The following BRINP3 variants were observed in gnomAD, a reference collection of about 807,000 sequenced individuals.
BRINP3 encodes BMP/retinoic acid-inducible neural-specific protein 3.
In BRINP3, 19 loss-of-function variants were observed where a neutral mutation model predicts 71.0. The ratio of observed to expected loss-of-function variants is 0.27; its 90% CI spans 0.19 to 0.39. The LOEUF (loss-of-function observed/expected upper bound fraction) is 0.39. BRINP3 is among the 10% of genes least tolerant of loss of function. The probability of loss-of-function intolerance (pLI) is 1.00; values close to 1 mark genes in which losing one functional copy is unlikely to be tolerated. For missense variants in BRINP3, 959 were observed against 940.8 expected, an observed-to-expected ratio of 1.02 and a Z score of -0.25; for synonymous variants, 380 against 337.7, an observed-to-expected ratio of 1.13 and a Z score of -1.37.
chr1:190,459,884 G>C (rs933081002), intron 1 of BRINP3, among the ~76,000 whole-genome samples: 1 of 151,970 alleles, frequency 6.6e-6, no homozygotes, highest in Non-Finnish European at 1.5e-5. Context: ...CTGTCAGTTA[G>C]AGTCACCAGT....
chr1:190,135,949 T>G (rs574719003), intron 7 of BRINP3, among the ~76,000 whole-genome samples: 1 of 152,156 alleles, frequency 6.6e-6, no homozygotes, highest in African/African-American at 2.4e-5. Context: ...AGTAGCTAAC[T>G]TCTTGTGGAA....
At position 190,254,267 on chromosome 1, in the gene BRINP3, T is replaced by C. The variant is rs114770632; in HGVS notation, c.618+10598A>G. On this transcript the variant is annotated intron_variant, in intron 4 of 7. Transcript: ENST00000367462. ...CAATGCAGGCTCTCTTTTAATTCCA[T>C]ATGAACTTTAAAATAGTTTTTTTTT... Among the ~76,000 whole-genome samples the C allele has an allele frequency of 1.5e-3, 221 of 148,150 alleles. 1 individual carries two copies. Among genetic ancestry groups the C allele is most frequent in the African/African-American group, 5.4e-3 (219 of 40,874 alleles).
At chr1:190,420,405 T>G (rs1056503573) in intron 2 of BRINP3, among the ~76,000 whole-genome samples, 3 of 151,918 alleles carry the variant, frequency 2.0e-5, no homozygotes, top group African/African-American at 7.2e-5. Context: ...AGGAAGTAAA[T>G]GCAGTTTGAT....
intron 2 of BRINP3, among the ~76,000 whole-genome samples, chr1:190,452,263 T>C (rs1675660968): frequency 6.6e-6 from 1 of 152,214 alleles, no homozygotes; most frequent in Non-Finnish European, 1.5e-5. Flanking sequence ...GTTCATTTTA[T>C]AGCAACTATC....
At chr1:190,379,697 G>T (rs1670414335) in intron 2 of BRINP3, among the ~76,000 whole-genome samples, 1 of 151,982 alleles carries the variant, frequency 6.6e-6, no homozygotes, top group Non-Finnish European at 1.5e-5. Flanking sequence ...AAAGAAATCT[G>T]TAGGTTAATA....
At chr1:190,231,643 A>C (rs1658001887) in intron 5 of BRINP3, among the ~76,000 whole-genome samples, 1 of 151,850 alleles carries the variant, frequency 6.6e-6, no homozygotes, top group Non-Finnish European at 1.5e-5. Flanking sequence ...ATTTGCCAAT[A>C]TTTTCTTATA....
intron 2 of BRINP3, among the ~76,000 whole-genome samples, chr1:190,322,202 T>C (rs1666290093): frequency 6.6e-6 from 1 of 151,978 alleles, no homozygotes; most frequent in African/African-American, 2.4e-5. Context: ...ATCCTAAAAA[T>C]TTGTTTTGCA....
At chr1:190,207,459 A>G (rs1263862880) in intron 6 of BRINP3, among the ~76,000 whole-genome samples, 1 of 152,116 alleles carries the variant, frequency 6.6e-6, no homozygotes, top group East Asian at 1.9e-4. Context: ...CCTTAAATGA[A>G]GTACTGATTT....
chr1:190,154,921 G>A (rs1459488348), intron 7 of BRINP3, among the ~76,000 whole-genome samples: 1 of 152,078 alleles, frequency 6.6e-6, no homozygotes, highest in Non-Finnish European at 1.5e-5. Flanking sequence ...TTAAAAAAAT[G>A]AGGCTGTTGC....
chr1:190,449,661 G>T (rs1675474038), intron 2 of BRINP3, among the ~76,000 whole-genome samples: 1 of 152,076 alleles, frequency 6.6e-6, no homozygotes, highest in African/African-American at 2.4e-5. Flanking sequence ...AGATTTTGCT[G>T]AAACAGGATG....
intron 2 of BRINP3, among the ~76,000 whole-genome samples, chr1:190,301,737 T>C (rs2102999678): frequency 6.6e-6 from 1 of 152,108 alleles, no homozygotes; most frequent in African/African-American, 2.4e-5. Flanking sequence ...GGTAGAGTTT[T>C]CTAAGACTAC....
At chr1:190,416,677 C>T (rs1267962715) in intron 2 of BRINP3, among the ~76,000 whole-genome samples, 1 of 151,868 alleles carries the variant, frequency 6.6e-6, no homozygotes, top group African/African-American at 2.4e-5. Context: ...ATAAATATAC[C>T]CTAGTCACCG....
chr1:190,301,933 A>G lies in BRINP3; in HGVS notation c.237-20183T>C, dbSNP rs568036974. Among the ~76,000 whole-genome samples the G allele has an allele frequency of 2.1e-4, 32 of 151,964 alleles. 2 individuals are homozygous for G. The highest frequency in any genetic ancestry group is 7.5e-4 in the African/African-American group (31 of 41,538). Reference sequence around the variant, plus strand: ...ACAATTTATATGTCTATAGTTCCCTATATTTCTTTGCTGAAAGTGTTTTGG... The same window carrying G: ...ACAATTTATATGTCTATAGTTCCCTGTATTTCTTTGCTGAAAGTGTTTTGG... On this transcript the variant is annotated intron_variant, in intron 2 of 7. Transcript: ENST00000367462.
rs1659810721 is a variant in BRINP3, at chr1:190,248,405, T to C, written c.619-13928A>G. On this transcript the variant is annotated intron_variant, in intron 4 of 7. Coordinates refer to ENST00000367462, the MANE Select transcript of BRINP3 (RefSeq NM_199051.3). ...ATTGAAAACTCTTACTCTGATATAATATGAAAATTATATTTCACCAAAAAA... is the reference window on the plus strand; with the variant it reads ...ATTGAAAACTCTTACTCTGATATAACATGAAAATTATATTTCACCAAAAAA... Among the ~76,000 whole-genome samples the C allele has an allele frequency of 2.0e-5, 3 of 151,718 alleles. No homozygotes were observed. In the South Asian group the frequency reaches 6.2e-4, roughly 31 times the overall value.
At chr1:190,198,172 T>A (rs1654664464) in intron 6 of BRINP3, among the ~76,000 whole-genome samples, 1 of 151,950 alleles carries the variant, frequency 6.6e-6, no homozygotes, top group African/African-American at 2.4e-5. Context: ...GTCTCAAGAC[T>A]GCACAAAGTG....
chr1:190,106,486 G>T (rs1652177814), intron 7 of BRINP3, among the ~76,000 whole-genome samples: 1 of 151,164 alleles, frequency 6.6e-6, no homozygotes, highest in African/African-American at 2.4e-5. Flanking sequence ...ATTTTTAAAA[G>T]GTCATTTCAT....
At chr1:190,099,990 T>C (rs1419792004) in intron 7 of BRINP3, among the ~76,000 whole-genome samples, 3 of 152,188 alleles carry the variant, frequency 2.0e-5, no homozygotes, top group Non-Finnish European at 4.4e-5. Flanking sequence ...AATGGCCTTG[T>C]AATAACACAA....
chr1:190,476,859 GA>G (rs199976088), intron 1 of BRINP3, among the ~76,000 whole-genome samples: 10 of 150,666 alleles, frequency 6.6e-5, no homozygotes, highest in African/African-American at 9.7e-5. Context: ...AATATTTTAA[GA>G]AAAAAAAATG....
intron 7 of BRINP3, among the ~76,000 whole-genome samples, chr1:190,146,014 A>G (rs897651685): frequency 2.0e-5 from 3 of 152,162 alleles, no homozygotes; most frequent in African/African-American, 7.2e-5. Context: ...AAGGACTTAA[A>G]GGCATAAAAA....
Sources: gnomAD v4.1 joint callset for allele counts (sites outside exome capture counted in the v4.1 genomes callset) on GRCh38, gnomAD v4.1.1 for gene constraint, MANE v1.5 for transcripts, NCBI Gene and HGNC (gene_info 2026-07-23, HGNC 2026-07-21) for gene names.